The following UVSSA variants were observed in gnomAD, a reference collection of about 807,000 sequenced individuals.
UVSSA encodes UV stimulated scaffold protein A, also known as UV-stimulated scaffold protein A.
UVSSA carries 72 observed loss-of-function variants against 73.9 expected under a neutral mutation model. The ratio of observed to expected loss-of-function variants is 0.97; its 90% CI spans 0.81 to 1.19. The LOEUF is 1.19. Among genes scored for constraint, UVSSA ranks in the 50% most tolerant of loss-of-function variants. The pLI is 0.00. For missense variants in UVSSA, 1,150 were observed against 965.0 expected (o/e 1.19, Z -2.54); for synonymous variants, 454 against 391.3 (o/e 1.16, Z -1.89).
At position 1,384,279 on chromosome 4, in the gene UVSSA, C is replaced by T. The variant is rs150737579; in HGVS notation, c.2036+339C>T. The T allele has an allele frequency of 2.6e-3, 836 of 317,734 alleles. 8 individuals carry two copies. Among genetic ancestry groups the T allele is most frequent in the African/African-American group, 0.015 (712 of 46,300 alleles). 19.7% of individuals were successfully genotyped at this position (317,734 alleles called of 1,614,324 possible). On this transcript the variant is annotated intron_variant, in intron 13 of 13. Transcript: ENST00000389851. ...AGCCCCTCGTCTCTCCCTTGCCTGG[C>T]TGTACCCCCAGGTCAGTGCCTGCGT...
rs1718590822 is a variant in UVSSA at position 1,375,111 on chromosome 4, T to C, written c.1289-253T>C. ...ACTTCTGCAAAGCCCGGCAGCACAG[T>C]GTGTGAACAGCGTGGCCACAAGGCG... On this transcript the variant is annotated intron_variant, in intron 8 of 13. Coordinates refer to ENST00000389851, the MANE Select transcript of UVSSA (RefSeq NM_020894.4). 25 of 565,260 alleles carry C rather than the reference T, an allele frequency of 4.4e-5. 2 individuals carry two copies. In the South Asian group the frequency reaches 4.9e-4, roughly 11 times the overall value. The allele number at this position is 565,260 out of a possible 1,614,324, so 35.0% of individuals were successfully genotyped here. A position where few individuals can be genotyped will look rare whatever the true frequency, so the allele number is the denominator to read the frequency against.
At chr4:1,380,361 G>T in intron 11 of UVSSA, 131 bp downstream of exon 11, 1 of 1,232,250 alleles carries the variant, frequency 8.1e-7, no homozygotes, top group Non-Finnish European at 1.1e-6. Context: ...CATGGAAGGG[G>T]CTTATCCGTG....
At chr4:1,351,689 C>A (rs1175680691) in intron 3 of UVSSA, 26 bp from the exon 4 acceptor site, 6 of 1,610,520 alleles carry the variant, frequency 3.7e-6, no homozygotes, top group African/African-American at 1.3e-5. Flanking sequence ...GCGCCTGTCC[C>A]CTAGTCTTTA....
chr4:1,383,635 A>G (rs1719752733), intron 12 of UVSSA, 131 bp from the exon 13 acceptor site: 2 of 1,030,996 alleles, frequency 1.9e-6, no homozygotes, highest in Non-Finnish European at 2.9e-6. Context: ...TGCTGCTGCC[A>G]GGGTACGGCC....
chr4:1,357,914 G>C (rs1289554623), intron 7 of UVSSA: 1 of 152,422 alleles, frequency 6.6e-6, no homozygotes, highest in African/African-American at 2.4e-5. Context: ...ACTGGGCAGG[G>C]CACGGCCGCC....
In UVSSA at chr4:1,375,431, G is replaced by A. The variant is rs535789044; in HGVS notation, c.1356G>A (p.Glu452=). The A allele has an allele frequency of 3.1e-6, 5 of 1,612,964 alleles. 1 individual carries two copies. In the East Asian group the frequency reaches 1.1e-4, roughly 36 times the overall value. ...TGCGGACGAGGACGAGGATGGACGA[G>A]GAGGTGTCGGACCCCACCTCTGCGG... is the stretch of plus-strand genomic sequence containing the variant. ...RCLRTRTRMD[E]EVSDPTSAAA... Residue 452 remains glutamate (E), a synonymous_variant, in exon 9 of 14, where the codon GAG becomes GAA. Coordinates refer to ENST00000389851, the MANE Select transcript of UVSSA (RefSeq NM_020894.4).
chr4:1,378,977 G>A (rs1719104091), intron 10 of UVSSA, among the ~76,000 whole-genome samples: 1 of 152,232 alleles, frequency 6.6e-6, no homozygotes, highest in Non-Finnish European at 1.5e-5. Context: ...ATGCAGAAAT[G>A]AGGTCCAGGC....
exon 14 of UVSSA, chr4:1,395,907 G>T: frequency 6.3e-7 from 1 of 1,579,216 alleles, no homozygotes. Context: ...ATTGAATTCA[G>T]GACTGATTTG....
intron 10 of UVSSA, 60 bp downstream of exon 10, chr4:1,376,228 G>T: frequency 1.3e-6 from 2 of 1,522,362 alleles, no homozygotes; most frequent in East Asian, 4.8e-5. Context: ...AGCCTGAGGA[G>T]GGGGCTGCCG....
intron 5 of UVSSA, among the ~76,000 whole-genome samples, chr4:1,354,352 G>A (rs1451804288): frequency 1.3e-5 from 2 of 151,870 alleles, no homozygotes; most frequent in Non-Finnish European, 2.9e-5. Flanking sequence ...GTGGGGGCTG[G>A]TGAGGCTGGG....
chr4:1,342,339 G>A (rs1713461469), upstream of UVSSA, among the ~76,000 whole-genome samples: 1 of 152,184 alleles, frequency 6.6e-6, no homozygotes, highest in Non-Finnish European at 1.5e-5. Context: ...TTTCTTTGAT[G>A]TCTGATTTTG....
rs760965336 is a variant in UVSSA, at chr4:1,354,773, C to G, written c.973C>G (p.Leu325Val). The G allele has an allele frequency of 3.7e-6, 6 of 1,613,556 alleles. No individual in the cohort carries two copies. The highest frequency in any genetic ancestry group is 2.2e-5 in the East Asian group (1 of 44,884). The change falls in exon 6 of 14, where the codon CTC (leucine) becomes GTC (valine). Residue 325 changes from leucine to valine, a missense_variant. Transcript: ENST00000389851. ...GCAGGAGAACGAGGACAACCTTGCT[C>G]TCATCCACGCCGCCCGCGACACACT... ...KVQENEDNLALIHAARDTLKL... is the reference protein window; with the variant it reads ...KVQENEDNLAVIHAARDTLKL...
intron 8 of UVSSA, among the ~76,000 whole-genome samples, chr4:1,371,052 G>A (rs1019261603): frequency 7.2e-5 from 11 of 152,262 alleles, no homozygotes; most frequent in South Asian, 2.1e-4. Context: ...GAGCATTCCC[G>A]GCTCTGCACA....
At chr4:1,394,121 C>A in exon 14 of UVSSA, 1 of 345,094 alleles carries the variant, frequency 2.9e-6, no homozygotes. Flanking sequence ...GCCACAAAGC[C>A]AGCCAGAGGT....
At chr4:1,382,987 G>T (rs773187467) in intron 12 of UVSSA, among the ~76,000 whole-genome samples, 8 of 152,236 alleles carry the variant, frequency 5.3e-5, no homozygotes, top group African/African-American at 1.7e-4. Context: ...CACCACACCT[G>T]GTGGAGGCCC....
intron 8 of UVSSA, 21 bp downstream of exon 8, chr4:1,366,452 G>T (rs565941316): frequency 5.6e-5 from 88 of 1,578,654 alleles, no homozygotes; most frequent in Non-Finnish European, 6.8e-5. Flanking sequence ...GGTCCCGTGG[G>T]GGGGGCACCT....
intron 9 of UVSSA, 65 bp from the exon 10 acceptor site, chr4:1,375,969 G>T (rs549332910): frequency 1.0e-4 from 161 of 1,549,228 alleles, no homozygotes; most frequent in Non-Finnish European, 1.4e-4. Flanking sequence ...GGGTGGGGAG[G>T]GAGAGGAGGG....
intron 8 of UVSSA, among the ~76,000 whole-genome samples, chr4:1,371,945 G>A (rs368608023): frequency 5.9e-5 from 9 of 152,172 alleles, no homozygotes; most frequent in Non-Finnish European, 1.2e-4. Context: ...AGGGTTCGCC[G>A]AAGTCCCCAC....
At chr4:1,389,954 A>G (rs1248081192), downstream of UVSSA, 1 of 152,062 alleles carries the variant, frequency 6.6e-6, no homozygotes, top group East Asian at 1.9e-4. Flanking sequence ...ATTATCCCCT[A>G]TGATTTTCCA....
Sources: allele counts gnomAD v4.1 joint callset (sites outside exome capture counted in the v4.1 genomes callset), GRCh38; gene constraint gnomAD v4.1.1; transcripts MANE v1.5; gene names NCBI Gene and HGNC (gene_info 2026-07-23, HGNC 2026-07-21).